The following KLRG1 variants were observed in gnomAD, a reference collection of about 807,000 sequenced individuals.
KLRG1 encodes the protein killer cell lectin-like receptor subfamily G member 1.
In KLRG1, 16 loss-of-function variants were observed where a neutral mutation model predicts 21.8. The observed-to-expected ratio is 0.73, with a 90% CI of 0.50 to 1.11. The LOEUF (loss-of-function observed/expected upper bound fraction) is 1.11, where lower values mean the gene tolerates loss of function less well. KLRG1 is among the 50% of genes most tolerant of loss of function. The pLI is 0.00. For missense variants in KLRG1, 173 were observed against 218.3 expected, an observed-to-expected ratio of 0.79 and a Z score of 1.31; for synonymous variants, 69 against 75.9, an observed-to-expected ratio of 0.91 and a Z score of 0.47.
At chr12:9,095,619 G>T in the KLRG1 span, 2 of 1,610,860 alleles carry the variant, frequency 1.2e-6, no homozygotes, top group Non-Finnish European at 1.7e-6. Flanking sequence ...ACATTATGAC[G>T]ATTGATGCAG....
At chr12:8,967,541 G>A (rs1288001913) in intron 1 of KLRG1, among the ~76,000 whole-genome samples, 1 of 151,594 alleles carries the variant, frequency 6.6e-6, no homozygotes, top group African/African-American at 2.4e-5. Context: ...TGGCAACATA[G>A]CGAGACTCCG....
chr12:9,186,138 A>T, the KLRG1 span, among the ~76,000 whole-genome samples: 1 of 152,108 alleles, frequency 6.6e-6, no homozygotes, highest in African/African-American at 2.4e-5. Flanking sequence ...TCCAACCAAG[A>T]ATTTCATATC....
the KLRG1 span, chr12:9,107,738 C>T: frequency 3.5e-6 from 5 of 1,426,198 alleles, no homozygotes; most frequent in Admixed American, 3.5e-5. Context: ...CAGTATATTC[C>T]CTGTCTGTAC....
chr12:9,083,142 AG>A, the KLRG1 span, among the ~76,000 whole-genome samples: 1 of 152,138 alleles, frequency 6.6e-6, no homozygotes, highest in Non-Finnish European at 1.5e-5. Flanking sequence ...TTGCAAGGAC[AG>A]AAAAACAAAC....
At chr12:9,093,084 T>C in the KLRG1 span, among the ~76,000 whole-genome samples, 13 of 151,990 alleles carry the variant, frequency 8.6e-5, no homozygotes, top group East Asian at 5.8e-4. Flanking sequence ...AGAAAGGTGG[T>C]TGGGGTTGCA....
the KLRG1 span, among the ~76,000 whole-genome samples, chr12:9,105,257 C>T: frequency 2.0e-5 from 3 of 152,118 alleles, no homozygotes; most frequent in Non-Finnish European, 4.4e-5. Flanking sequence ...GCTGCATGTA[C>T]AAAGACAAGA....
the KLRG1 span, among the ~76,000 whole-genome samples, chr12:9,048,170 G>A: frequency 2.0e-5 from 3 of 152,112 alleles, no homozygotes; most frequent in African/African-American, 7.2e-5. Flanking sequence ...AACAAAGTAT[G>A]TGCTCAGAAA....
At chr12:9,194,147 G>A in the KLRG1 span, 9 of 1,613,898 alleles carry the variant, frequency 5.6e-6, no homozygotes, top group African/African-American at 1.1e-4. Context: ...CTGCTCATTG[G>A]TGGTTGCATT....
the KLRG1 span, among the ~76,000 whole-genome samples, chr12:9,071,466 C>T: frequency 8.6e-5 from 13 of 152,002 alleles, no homozygotes; most frequent in African/African-American, 2.9e-4. Flanking sequence ...TAGGTTCAGG[C>T]GTACACATGC....
Position 8,989,590 on chromosome 12 carries a change from C to A in KLRG1, c.-46C>A. ...CACTGATACATATCCCTTCACACTTCTATAATTTAACTCTCTCAACTGCAT... is the reference window on the plus strand; with the variant it reads ...CACTGATACATATCCCTTCACACTTATATAATTTAACTCTCTCAACTGCAT... On this transcript the variant is annotated 5_prime_UTR_variant, in exon 1 of 5. Coordinates refer to ENST00000356986, the MANE Select transcript of KLRG1 (RefSeq NM_005810.4). 3 of 1,267,344 alleles carry A rather than the reference C, an allele frequency of 2.4e-6. No individual in the cohort carries two copies. The highest frequency in any genetic ancestry group is 2.3e-6 in the Non-Finnish European group (2 of 871,554). 78.5% of individuals were successfully genotyped at this position (1,267,344 alleles called of 1,614,324 possible).
chr12:9,114,829 T>G, the KLRG1 span, among the ~76,000 whole-genome samples: 1 of 152,136 alleles, frequency 6.6e-6, no homozygotes, highest in Non-Finnish European at 1.5e-5. Context: ...ATTAAACATT[T>G]CCTTCTGACT....
At chr12:9,102,726 C>T in the KLRG1 span, among the ~76,000 whole-genome samples, 2,438 of 152,220 alleles carry the variant, frequency 0.016, 68 homozygotes, top group African/African-American at 0.056. Context: ...GGTGACAACA[C>T]ATATATGATC....
chr12:9,196,641 C>T, the KLRG1 span: 3 of 1,613,810 alleles, frequency 1.9e-6, no homozygotes, highest in Admixed American at 5.0e-5. Flanking sequence ...TAATCTGGAG[C>T]ATTTTGGTGT....
chr12:9,164,117 G>T, the KLRG1 span: 1 of 1,606,346 alleles, frequency 6.2e-7, no homozygotes, highest in Non-Finnish European at 8.5e-7. Flanking sequence ...AGGCCCTTTT[G>T]GGTACTGTCA....
At chr12:9,060,229 A>G in the KLRG1 span, among the ~76,000 whole-genome samples, 9 of 77,146 alleles carry the variant, frequency 1.2e-4, no homozygotes, top group East Asian at 9.5e-4. Context: ...TCATTGTGTT[A>G]GCCAGGATGG....
the KLRG1 span, among the ~76,000 whole-genome samples, chr12:9,050,922 A>C: frequency 2.0e-5 from 3 of 152,178 alleles, no homozygotes; most frequent in African/African-American, 7.2e-5. Flanking sequence ...TGGATCTTGG[A>C]ATGAGGACTT....
At chr12:8,975,631 A>C (rs1946645983) in intron 1 of KLRG1, among the ~76,000 whole-genome samples, 1 of 151,638 alleles carries the variant, frequency 6.6e-6, no homozygotes, top group Non-Finnish European at 1.5e-5. Context: ...TGGTGCGGCC[A>C]TGGCTCACTG....
chr12:9,171,839 A>G, the KLRG1 span, among the ~76,000 whole-genome samples: 1 of 152,242 alleles, frequency 6.6e-6, no homozygotes, highest in Non-Finnish European at 1.5e-5. Flanking sequence ...ATATGGGATT[A>G]TGTAAAAAGA....
At chr12:9,029,806 G>C in the KLRG1 span, among the ~76,000 whole-genome samples, 4 of 152,106 alleles carry the variant, frequency 2.6e-5, no homozygotes, top group South Asian at 2.1e-4. Flanking sequence ...GCCCAGGCTG[G>C]AGCGCAATGG....
Sources: allele counts gnomAD v4.1 joint callset (sites outside exome capture counted in the v4.1 genomes callset), GRCh38; gene constraint gnomAD v4.1.1; transcripts MANE v1.5; gene names NCBI Gene and HGNC (gene_info 2026-07-23, HGNC 2026-07-21).